The following CUX2 variants were observed in gnomAD, a reference collection of about 807,000 sequenced individuals.
The protein encoded by CUX2 is homeobox protein cut-like 2.
CUX2 carries 40 observed loss-of-function variants against 144.8 expected under a neutral mutation model. The observed-to-expected ratio is 0.28, with a 90% CI of 0.21 to 0.36. CUX2 has a LOEUF of 0.36. Among genes scored for constraint, CUX2 ranks in the 10% least tolerant of loss-of-function variants. The probability of loss-of-function intolerance (pLI) is 1.00; values close to 1 mark genes in which losing one functional copy is unlikely to be tolerated. For synonymous variants in CUX2, 827 were observed against 875.6 expected, an observed-to-expected ratio of 0.94 and a Z score of 0.98; for missense variants, 1,615 against 1,994.0, an observed-to-expected ratio of 0.81 and a Z score of 3.62.
intron 1 of CUX2, among the ~76,000 whole-genome samples, chr12:111,197,441 A>T (rs932214286): frequency 6.6e-6 from 1 of 152,136 alleles, no homozygotes; most frequent in African/African-American, 2.4e-5. Flanking sequence ...CCACTGTTGG[A>T]TCCCCAGTGC....
At chr12:111,231,560 G>A (rs1256354521) in intron 3 of CUX2, among the ~76,000 whole-genome samples, 11 of 152,110 alleles carry the variant, frequency 7.2e-5, no homozygotes, top group Admixed American at 7.2e-4. Context: ...CATGCTTTAG[G>A]TCAGAAGTCA....
At position 111,347,621 on chromosome 12, in the gene CUX2, CACCCAGA is replaced by C; in HGVS notation, c.3758_3764del (p.His1253ProfsTer18). The C allele has an allele frequency of 6.3e-7, 1 of 1,590,746 alleles. No homozygotes were observed. The highest frequency in any genetic ancestry group is 8.6e-7 in the Non-Finnish European group (1 of 1,160,050). ...TGGAATCCTACCGCCAGGCCACTCC[CACCCAGA>C]CCCCACCCCGCAGAGCCCTGACTCT... On this transcript the variant is annotated frameshift_variant, in exon 22 of 22. Coordinates refer to ENST00000261726, the MANE Select transcript of CUX2 (RefSeq NM_015267.4). LOFTEE classifies it low-confidence loss of function (END_TRUNC).
chr12:111,281,854 G>A (rs1885128626), intron 4 of CUX2, among the ~76,000 whole-genome samples: 1 of 152,308 alleles, frequency 6.6e-6, no homozygotes, highest in African/African-American at 2.4e-5. Context: ...GAAGGAAAGA[G>A]GGGAGAGAGA....
intron 1 of CUX2, among the ~76,000 whole-genome samples, chr12:111,175,028 C>T (rs186414286): frequency 2.6e-5 from 4 of 152,172 alleles, no homozygotes; most frequent in Admixed American, 1.3e-4. Flanking sequence ...AGCTCCCCCC[C>T]ACACACAGAA....
chr12:111,320,393 T>A lies in CUX2; in HGVS notation c.2384T>A (p.Leu795Gln). 6.3e-6 allele frequency: 10 copies of A among 1,597,910 alleles called. No homozygotes were observed. The highest frequency in any genetic ancestry group is 8.5e-6 in the Non-Finnish European group (10 of 1,179,096). ...FDHHWASDRG[L>Q]LSRPYASVSP... The stretch of plus-strand genomic sequence containing the variant: ...CACCACTGGGCCTCCGACCGCGGCC[T>A]GCTCAGCCGCCCCTACGCCTCCGTG... The change falls in exon 17 of 22, where the codon CTG (leucine) becomes CAG (glutamine). Residue 795 changes from leucine (L) to glutamine (Q), a missense_variant. Physicochemically the swap from Leu to Gln is moderately radical, Grantham distance 113. Around this residue, in one of 12 missense-constraint regions of CUX2, gnomAD observed 390 missense variants for 387.1 expected, o/e 1.01. Transcript: ENST00000261726. This position sits in a 1 kb window ranked among gnomAD's most constrained non-coding sequence, Gnocchi z 8.1.
Position 111,034,571 on chromosome 12 carries a change from C to A in CUX2, c.63+331C>A, listed in dbSNP as rs1409689132. On this transcript the variant is annotated intron_variant, in intron 1 of 21. Coordinates refer to ENST00000261726, the MANE Select transcript of CUX2 (RefSeq NM_015267.4). The surrounding 1 kb of genome is among the most constrained non-coding windows in gnomAD (Gnocchi z 4.2). ...ACGGCCTCGGGCAGGGGGCTGCTGG[C>A]GGGAACCCCCGGCGGTCCCCCCTGA... 6.6e-6 allele frequency among the ~76,000 whole-genome samples: 1 copy of A among 151,200 alleles called. No homozygotes were observed. The highest frequency in any genetic ancestry group is 6.6e-5 in the Admixed American group (1 of 15,220).
At chr12:111,170,597 A>G (rs1009406139) in intron 1 of CUX2, among the ~76,000 whole-genome samples, 12 of 118,384 alleles carry the variant, frequency 1.0e-4, no homozygotes, top group Admixed American at 3.6e-4. Context: ...TCTGTCACCC[A>G]GGCTGGAATG....
chr12:111,076,160 A>C (rs530380797), intron 1 of CUX2, among the ~76,000 whole-genome samples: 116 of 152,318 alleles, frequency 7.6e-4, no homozygotes, highest in African/African-American at 2.6e-3. Context: ...TGTGCACTGG[A>C]GAGGCAAGTC....
chr12:111,138,996 T>A (rs1243201256), intron 1 of CUX2, among the ~76,000 whole-genome samples: 1 of 147,472 alleles, frequency 6.8e-6, no homozygotes, highest in Non-Finnish European at 1.5e-5. Flanking sequence ...CGTCCCCCAA[T>A]AAGTCACTAG....
chr12:111,152,482 G>A (rs1877112024), intron 1 of CUX2, among the ~76,000 whole-genome samples: 1 of 152,116 alleles, frequency 6.6e-6, no homozygotes, highest in Non-Finnish European at 1.5e-5. Context: ...CATTGGCCTT[G>A]TGTTGGCAGA....
chr12:111,346,051 G>A lies in CUX2; in HGVS notation c.3660-1473G>A, dbSNP rs140923208. Among the ~76,000 whole-genome samples, 553 of 150,114 alleles carry A rather than the reference G, an allele frequency of 3.7e-3. 5 individuals are homozygous for A. The highest frequency in any genetic ancestry group is 0.013 in the African/African-American group (519 of 40,746). On this transcript the variant is annotated intron_variant, in intron 21 of 21. Transcript: ENST00000261726. Reference sequence around the variant, plus strand: ...ACCCGGGAGGCAGAGGTTGCAGTGAGCCGAGATCGTGCCCCCACTGCACTC... The same window carrying A: ...ACCCGGGAGGCAGAGGTTGCAGTGAACCGAGATCGTGCCCCCACTGCACTC...
intron 1 of CUX2, among the ~76,000 whole-genome samples, chr12:111,144,886 C>T (rs1876561810): frequency 6.6e-6 from 1 of 152,118 alleles, no homozygotes; most frequent in Non-Finnish European, 1.5e-5. Flanking sequence ...GTCACTGGGT[C>T]AGGCTGTGAG....
intron 1 of CUX2, among the ~76,000 whole-genome samples, chr12:111,090,956 T>C (rs897620400): frequency 6.6e-5 from 10 of 152,160 alleles, no homozygotes; most frequent in Non-Finnish European, 1.3e-4. Context: ...GAGCACCTAC[T>C]GTGTGCCGAG....
chr12:111,114,854 G>A (rs1874193757), intron 1 of CUX2, among the ~76,000 whole-genome samples: 1 of 152,212 alleles, frequency 6.6e-6, no homozygotes, highest in African/African-American at 2.4e-5. Context: ...TGAGATAAGG[G>A]TTTGAGGGTC....
chr12:111,303,854 A>G (rs1886441366), intron 9 of CUX2, among the ~76,000 whole-genome samples: 1 of 152,098 alleles, frequency 6.6e-6, no homozygotes, highest in Non-Finnish European at 1.5e-5. Context: ...GAAATGTGTG[A>G]AAACCTGCCA....
rs796305133 is a variant in CUX2 at position 111,249,921 on chromosome 12, G to C, written c.223-13840G>C. On this transcript the variant is annotated intron_variant, in intron 3 of 21. Transcript: ENST00000261726. ...TGTTACCGTGATGAACCAGTGTCAA[G>C]ACACAATTATTCACTATAGTCCATA... is the stretch of plus-strand genomic sequence containing the variant. 8.5e-4 allele frequency among the ~76,000 whole-genome samples: 130 copies of C among 152,216 alleles called. 1 individual carries two copies. The highest frequency in any genetic ancestry group is 3.0e-3 in the African/African-American group (126 of 41,526).
chr12:111,348,244 G>A lies in CUX2; in HGVS notation c.4380G>A (p.Glu1460=). 1 of 1,613,998 alleles carries A rather than the reference G, an allele frequency of 6.2e-7. No individual in the cohort carries two copies. The highest frequency in any genetic ancestry group is 8.5e-7 in the Non-Finnish European group (1 of 1,180,034). ...KVNPNLQRRH[E]KMANLNNIIY... ...ACCCCAACTTGCAGCGGCGGCATGA[G>A]AAGATGGCCAATCTGAACAACATCA... Residue 1460 remains glutamate, a synonymous_variant, in exon 22 of 22, where the codon GAG becomes GAA. Transcript: ENST00000261726.
At chr12:111,286,513 G>T (rs1004197979) in intron 4 of CUX2, among the ~76,000 whole-genome samples, 2 of 152,042 alleles carry the variant, frequency 1.3e-5, no homozygotes, top group African/African-American at 4.8e-5. Context: ...AAGGCAGGAG[G>T]ATCACTTTAG....
Position 111,295,290 on chromosome 12 carries a change from C to CCTGT in CUX2, c.561-41_561-38dup, listed in dbSNP as rs767375959. The CCTGT allele has an allele frequency of 2.5e-6, 4 of 1,599,160 alleles. No homozygotes were observed. The South Asian group carries it at 4.5e-5, about 18-fold the overall frequency. On this transcript the variant is annotated intron_variant, in intron 6 of 21. Transcript: ENST00000261726. This position sits in a 1 kb window ranked among gnomAD's most constrained non-coding sequence, Gnocchi z 5.0. ...CTCGACTCGGGGGCCCCAGGCAAGG[C>CCTGT]CTGTCCCTGCAGCCAGCACAAGCAG...
Sources: allele counts gnomAD v4.1 joint callset (sites outside exome capture counted in the v4.1 genomes callset), GRCh38; gene constraint gnomAD v4.1.1; regional missense constraint gnomAD v4.1.1; non-coding constraint Gnocchi (gnomAD v3.1); transcripts MANE v1.5; gene names NCBI Gene and HGNC (gene_info 2026-07-23, HGNC 2026-07-21).